The following TTC8 variants were observed in gnomAD, a reference collection of about 807,000 sequenced individuals.
TTC8 encodes tetratricopeptide repeat domain 8, also known as tetratricopeptide repeat protein 8.
In TTC8, 47 loss-of-function variants were observed where a neutral mutation model predicts 72.5. That is an observed-to-expected ratio of 0.65 (90% CI 0.51 to 0.83). The LOEUF (loss-of-function observed/expected upper bound fraction) is 0.83. TTC8 is among the 40% of genes least tolerant of loss of function. TTC8 has a pLI of 0.00. For synonymous variants in TTC8, 199 were observed against 221.4 expected (o/e 0.90, Z 0.90); for missense variants, 611 against 623.2 (o/e 0.98, Z 0.21).
intron 1 of TTC8, among the ~76,000 whole-genome samples, chr14:88,827,545 A>C (rs998022646): frequency 6.6e-6 from 1 of 152,194 alleles, no homozygotes; most frequent in Non-Finnish European, 1.5e-5. Flanking sequence ...ACTTGATGTC[A>C]TCTTACCAGA....
At chr14:88,839,088 G>A (rs1315448374) in intron 2 of TTC8, among the ~76,000 whole-genome samples, 1 of 152,192 alleles carries the variant, frequency 6.6e-6, no homozygotes, top group Non-Finnish European at 1.5e-5. Flanking sequence ...ACTTGACCTT[G>A]AAGGAGGAAG....
At position 88,851,635 on chromosome 14, in the gene TTC8, A is replaced by G. The variant is rs562181966; in HGVS notation, c.625-1336A>G. Among the ~76,000 whole-genome samples the G allele has an allele frequency of 2.6e-5, 4 of 152,290 alleles. No homozygotes were observed. In the South Asian group the frequency reaches 8.3e-4, roughly 32 times the overall value. The stretch of plus-strand genomic sequence containing the variant: ...ATATATTTTTCTAGTATATCTGAAA[A>G]TAATGCTAATTGTAGTTATACTTTT... On this transcript the variant is annotated intron_variant, in intron 7 of 14. Transcript: ENST00000380656.
chr14:88,851,640 GC>G (rs1397974503), intron 7 of TTC8, among the ~76,000 whole-genome samples: 1 of 152,008 alleles, frequency 6.6e-6, no homozygotes, highest in African/African-American at 2.4e-5. Flanking sequence ...TGAAAATAAT[GC>G]TAATTGTAGT....
intron 7 of TTC8, among the ~76,000 whole-genome samples, chr14:88,847,481 T>C (rs1344250155): frequency 2.0e-5 from 3 of 152,210 alleles, no homozygotes; most frequent in Non-Finnish European, 4.4e-5. Flanking sequence ...TTTTTATTCT[T>C]GGTAACAGTG....
At chr14:88,862,541 CATATATATAT>C (rs71130022) in intron 10 of TTC8, among the ~76,000 whole-genome samples, 350 of 23,748 alleles carry the variant, frequency 0.015, 8 homozygotes, top group African/African-American at 0.026. Context: ...TCTCTCTCTC[CATATATATAT>C]ATATATATAT....
At chr14:88,831,098 T>G (rs749038667) in intron 1 of TTC8, 38 of 291,566 alleles carry the variant, frequency 1.3e-4, no homozygotes, top group Non-Finnish European at 2.4e-4. Flanking sequence ...GGATCTAGTC[T>G]AGACAGGTTA....
At chr14:88,841,621 T>C (rs2140978202) in intron 6 of TTC8, 107 bp downstream of exon 6, 7 of 952,790 alleles carry the variant, frequency 7.3e-6, no homozygotes, top group Non-Finnish European at 1.0e-5. Flanking sequence ...CATGTCTTTA[T>C]TGAAGTGGAA....
In TTC8 at chr14:88,871,819, A is replaced by C; in HGVS notation, c.1224+96A>C. ...ATAATTCCAGCATTTTGGGAGGCTG[A>C]AGCAGGAGGATTGCTTGAGCCCAGG... is the stretch of plus-strand genomic sequence containing the variant. On this transcript the variant is annotated intron_variant, in intron 12 of 14. Coordinates refer to ENST00000380656, the MANE Select transcript of TTC8 (RefSeq NM_144596.4). This position sits in a 1 kb window ranked among gnomAD's most constrained non-coding sequence, Gnocchi z 4.1. 4 of 1,393,442 alleles carry C rather than the reference A, an allele frequency of 2.9e-6. No homozygotes were observed. Among genetic ancestry groups the C allele is most frequent in the Non-Finnish European group, 4.1e-6 (4 of 987,174 alleles). 86.3% of individuals were successfully genotyped at this position (1,393,442 alleles called of 1,614,324 possible). A position where few individuals can be genotyped will look rare whatever the true frequency, so the allele number is the denominator to read the frequency against.
At chr14:88,841,262 T>C in intron 5 of TTC8, 66 bp downstream of exon 5, 1 of 1,603,644 alleles carries the variant, frequency 6.2e-7, no homozygotes, top group East Asian at 2.2e-5. Context: ...CTTTATATTA[T>C]GGTATATCAT....
Position 88,872,359 on chromosome 14 carries a change from G to C in TTC8, c.1254G>C (p.Gln418His). The C allele has an allele frequency of 1.2e-6, 2 of 1,613,976 alleles. No individual in the cohort carries two copies. The highest frequency in any genetic ancestry group is 2.2e-5 in the South Asian group (2 of 91,066). ...TAGGAGATACAAATTTGGCCCATCAGTGCTTCAGGCTGGCTCTGGTCAACA... is the reference window on the plus strand; with the variant it reads ...TAGGAGATACAAATTTGGCCCATCACTGCTTCAGGCTGGCTCTGGTCAACA... ...VGIGDTNLAH[Q>H]CFRLALVNNN... The change falls in exon 13 of 15, where the codon CAG (glutamine) becomes CAC (histidine). Residue 418 changes from glutamine to histidine, a missense_variant. Gln to His is a conservative substitution (Grantham distance 24, BLOSUM62 0). Coordinates refer to ENST00000380656, the MANE Select transcript of TTC8 (RefSeq NM_144596.4).
intron 4 of TTC8, 21 bp downstream of exon 4, chr14:88,840,949 A>G (rs369769633): frequency 1.2e-6 from 2 of 1,613,960 alleles, no homozygotes; most frequent in Non-Finnish European, 1.7e-6. Flanking sequence ...CTGCTTCATA[A>G]CCTCTGCCAC....
At chr14:88,846,627 T>C in intron 7 of TTC8, 3 of 1,471,206 alleles carry the variant, frequency 2.0e-6, no homozygotes, top group Non-Finnish European at 2.8e-6. Context: ...TTCTACATCT[T>C]GGAATTTACC....
At chr14:88,876,648 T>C (rs1028567931) in intron 14 of TTC8, among the ~76,000 whole-genome samples, 2 of 152,162 alleles carry the variant, frequency 1.3e-5, no homozygotes, top group Non-Finnish European at 2.9e-5. Flanking sequence ...ATAAAAAGGA[T>C]ACATTCAGAC....
chr14:88,825,358 A>G (rs2094694508), intron 1 of TTC8, among the ~76,000 whole-genome samples: 1 of 152,170 alleles, frequency 6.6e-6, no homozygotes, highest in African/African-American at 2.4e-5. Flanking sequence ...GAAGAATGAG[A>G]ATCTAGGAGG....
intron 2 of TTC8, among the ~76,000 whole-genome samples, chr14:88,837,350 A>G (rs1243427319): frequency 6.6e-6 from 1 of 150,786 alleles, no homozygotes; most frequent in Non-Finnish European, 1.5e-5. Context: ...CCTTCCTTCC[A>G]CTCCCAGGTA....
chr14:88,839,345 G>A, intron 2 of TTC8, 107 bp from the exon 3 acceptor site: 1 of 1,181,128 alleles, frequency 8.5e-7, no homozygotes, highest in African/African-American at 1.6e-5. Context: ...AGGTAAACAT[G>A]TTTAATATAA....
chr14:88,851,732 T>TG (rs1003444601), intron 7 of TTC8, among the ~76,000 whole-genome samples: 5 of 152,224 alleles, frequency 3.3e-5, no homozygotes, highest in African/African-American at 1.2e-4. Context: ...AATAAGCATA[T>TG]GAAAGTACTG....
At position 88,845,723 on chromosome 14, in the gene TTC8, C is replaced by T. The variant is rs374626194; in HGVS notation, c.624+1873C>T. ...ATTACTAGAGTATCATAAAGTGATA[C>T]TCTTGTATTTGGAAGATTAATGCAT... On this transcript the variant is annotated intron_variant, in intron 7 of 14. Coordinates refer to ENST00000380656, the MANE Select transcript of TTC8 (RefSeq NM_144596.4). Among the ~76,000 whole-genome samples the T allele has an allele frequency of 2.0e-5, 3 of 152,204 alleles. No homozygotes were observed. In the South Asian group the frequency reaches 6.2e-4, roughly 32 times the overall value.
At chr14:88,863,093 C>T (rs1045460574) in intron 10 of TTC8, among the ~76,000 whole-genome samples, 3 of 151,668 alleles carry the variant, frequency 2.0e-5, no homozygotes, top group African/African-American at 4.8e-5. Context: ...GTGGGTGGGC[C>T]GCCTGTCTTC....
Sources: allele counts gnomAD v4.1 joint callset (sites outside exome capture counted in the v4.1 genomes callset), GRCh38; gene constraint gnomAD v4.1.1; non-coding constraint Gnocchi (gnomAD v3.1); transcripts MANE v1.5; gene names NCBI Gene and HGNC (gene_info 2026-07-23, HGNC 2026-07-21).